Variants in ERP44 observed in about 807,000 individuals in gnomAD.
The protein encoded by ERP44 is endoplasmic reticulum resident protein 44.
Under a neutral mutation model 53.4 loss-of-function variants are expected in ERP44, and 25 were observed. The observed-to-expected ratio is 0.47, with a 90% CI of 0.34 to 0.65. The LOEUF (loss-of-function observed/expected upper bound fraction) is 0.65, where lower values mean the gene tolerates loss of function less well. ERP44 is among the 30% of genes least tolerant of loss of function. The pLI, the probability that ERP44 is intolerant of heterozygous loss-of-function variation, is 0.01. For synonymous variants in ERP44, 145 were observed against 161.2 expected (o/e 0.90, Z 0.76); for missense variants, 338 against 493.2 (o/e 0.69, Z 2.98).
Position 100,007,564 on chromosome 9 carries a change from C to A in ERP44, c.874+14G>T, listed in dbSNP as rs756251376. 8.2e-7 allele frequency: 1 copy of A among 1,226,106 alleles called. No homozygotes were observed. The highest frequency in any genetic ancestry group is 1.2e-6 in the Non-Finnish European group (1 of 826,648). 76.0% of individuals were successfully genotyped at this position (1,226,106 alleles called of 1,614,324 possible). ...AGAAAGAAATGATGAAAATAAACAC[C>A]TTAATCTGTCTACCTTTTTCACTTA... is the stretch of plus-strand genomic sequence containing the variant. On this transcript the variant is annotated intron_variant, in intron 9 of 11. Transcript: ENST00000262455.
chr9:100,084,979 C>A (rs958098875), intron 1 of ERP44, among the ~76,000 whole-genome samples: 5 of 152,172 alleles, frequency 3.3e-5, no homozygotes, highest in Admixed American at 3.3e-4. Flanking sequence ...GTCATACTAG[C>A]CAGGTGGTTT....
intron 1 of ERP44, among the ~76,000 whole-genome samples, 179 bp from the exon 2 acceptor site, chr9:100,060,351 T>C (rs1826132048): frequency 6.6e-6 from 1 of 152,188 alleles, no homozygotes; most frequent in Admixed American, 6.5e-5. Flanking sequence ...GGAGAAATAT[T>C]AGCTTCTCAA....
intron 1 of ERP44, among the ~76,000 whole-genome samples, chr9:100,084,211 A>G (rs529175077): frequency 5.3e-5 from 8 of 152,328 alleles, no homozygotes; most frequent in Non-Finnish European, 7.4e-5. Flanking sequence ...AGCCTCCAGT[A>G]TGTCAGACAA....
intron 1 of ERP44, among the ~76,000 whole-genome samples, chr9:100,069,188 G>A (rs1826271530): frequency 6.6e-6 from 1 of 151,542 alleles, no homozygotes; most frequent in African/African-American, 2.4e-5. Context: ...AGGAAAACCA[G>A]AGACCTTTGT....
At chr9:100,018,582 T>C (rs955983358) in intron 6 of ERP44, among the ~76,000 whole-genome samples, 1 of 152,082 alleles carries the variant, frequency 6.6e-6, no homozygotes, top group Non-Finnish European at 1.5e-5. Flanking sequence ...TTCCGGCAAC[T>C]AGGGATCAAG....
intron 4 of ERP44, among the ~76,000 whole-genome samples, chr9:100,049,500 AC>A (rs1826013907): frequency 6.6e-6 from 1 of 152,232 alleles, no homozygotes; most frequent in Admixed American, 6.5e-5. Context: ...ATGTATATAA[AC>A]ATGTAAGAAT....
chr9:100,041,668 AAAC>A (rs537934933), intron 4 of ERP44, among the ~76,000 whole-genome samples: 287 of 152,124 alleles, frequency 1.9e-3, no homozygotes, highest in African/African-American at 2.4e-3. Flanking sequence ...TTCCGACTCA[AAAC>A]AACAACAACA....
At chr9:100,039,640 C>G (rs1403321318) in intron 4 of ERP44, among the ~76,000 whole-genome samples, 1 of 151,476 alleles carries the variant, frequency 6.6e-6, no homozygotes, top group Non-Finnish European at 1.5e-5. Flanking sequence ...CAAACCAAAC[C>G]CAAAATTAGT....
intron 4 of ERP44, among the ~76,000 whole-genome samples, chr9:100,047,773 A>C (rs1825990494): frequency 6.6e-6 from 1 of 152,210 alleles, no homozygotes; most frequent in Admixed American, 6.5e-5. Flanking sequence ...CTCAAAGGAC[A>C]CAATTAACAG....
intron 10 of ERP44, among the ~76,000 whole-genome samples, chr9:99,988,074 A>T (rs1404454841): frequency 6.6e-6 from 1 of 152,194 alleles, no homozygotes; most frequent in African/African-American, 2.4e-5. Flanking sequence ...ATCATGTTGT[A>T]ATCCACCAGC....
chr9:100,073,019 A>G (rs1178575120), intron 1 of ERP44, among the ~76,000 whole-genome samples: 1 of 152,228 alleles, frequency 6.6e-6, no homozygotes, highest in Non-Finnish European at 1.5e-5. Context: ...AAAATTGCCC[A>G]CTGAATATAT....
At chr9:100,068,517 G>A (rs1220624179) in intron 1 of ERP44, among the ~76,000 whole-genome samples, 1 of 136,838 alleles carries the variant, frequency 7.3e-6, no homozygotes, top group Non-Finnish European at 1.6e-5. Context: ...CCGGGAGGGA[G>A]GTGGGGGTTC....
rs547251583 is a variant in ERP44, at chr9:100,050,860, G to C, written c.286+1557C>G. 1.2e-4 allele frequency among the ~76,000 whole-genome samples: 18 copies of C among 152,268 alleles called. No individual in the cohort carries two copies. In the South Asian group the frequency reaches 3.3e-3, roughly 28 times the overall value. ...TGATATTTATGGTTCAAGGATATAA[G>C]TATTAAATTTTCTTCCCAATGAATG... On this transcript the variant is annotated intron_variant, in intron 4 of 11. Coordinates refer to ENST00000262455, the MANE Select transcript of ERP44 (RefSeq NM_015051.3).
chr9:100,037,295 C>A (rs1424289793), intron 4 of ERP44, among the ~76,000 whole-genome samples: 1 of 152,098 alleles, frequency 6.6e-6, no homozygotes. Flanking sequence ...TTTAAACTAG[C>A]CCAAGCCAGA....
At chr9:99,995,920 C>CTTTTTTTTTTTTTTTTTTTTTT (rs34632626) in intron 10 of ERP44, among the ~76,000 whole-genome samples, 9 of 121,436 alleles carry the variant, frequency 7.4e-5, no homozygotes, top group South Asian at 2.6e-4. Context: ...TAGGGTAGTT[C>CTTTTTTTTTTTTTTTTTTTTTT]TTTTTTTTTT....
In ERP44 at chr9:99,999,551, T is replaced by C. The variant is rs143504864; in HGVS notation, c.1016+6955A>G. Among the ~76,000 whole-genome samples, 822 of 152,336 alleles carry C rather than the reference T, an allele frequency of 5.4e-3. 8 individuals are homozygous for C. Among genetic ancestry groups the C allele is most frequent in the African/African-American group, 0.019 (779 of 41,566 alleles). On this transcript the variant is annotated intron_variant, in intron 10 of 11. Transcript: ENST00000262455. ...TCAGGTTGTTTTCTTACTATTGATT[T>C]GTTTGGATTCTTTATATATTTTAAG... is the stretch of plus-strand genomic sequence containing the variant.
At chr9:100,096,940 T>C (rs1241424985) in intron 1 of ERP44, among the ~76,000 whole-genome samples, 1 of 152,220 alleles carries the variant, frequency 6.6e-6, no homozygotes, top group African/African-American at 2.4e-5. Flanking sequence ...AGATGTTTTA[T>C]AAATATTTGC....
At position 100,061,178 on chromosome 9, in the gene ERP44, C is replaced by T. The variant is rs542321073; in HGVS notation, c.58-1006G>A. Among the ~76,000 whole-genome samples the T allele has an allele frequency of 4.6e-5, 7 of 152,190 alleles. No homozygotes were observed. The South Asian group carries it at 1.2e-3, about 27-fold the overall frequency. ...TATTTCTGGGCTGGGCATGGTGGCTCATGCCTGTAATCCCAGCACTTTGAG... is the reference window on the plus strand; with the variant it reads ...TATTTCTGGGCTGGGCATGGTGGCTTATGCCTGTAATCCCAGCACTTTGAG... On this transcript the variant is annotated intron_variant, in intron 1 of 11. Coordinates refer to ENST00000262455, the MANE Select transcript of ERP44 (RefSeq NM_015051.3).
intron 1 of ERP44, among the ~76,000 whole-genome samples, chr9:100,085,206 TACCC>T (rs1564106179): frequency 2.0e-5 from 3 of 152,344 alleles, no homozygotes; most frequent in African/African-American, 7.2e-5. Context: ...AAATACAATT[TACCC>T]TCCTCTTTTA....
Sources: allele counts gnomAD v4.1 joint callset (sites outside exome capture counted in the v4.1 genomes callset), GRCh38; gene constraint gnomAD v4.1.1; transcripts MANE v1.5; gene names NCBI Gene and HGNC (gene_info 2026-07-23, HGNC 2026-07-21).